Variants in BAZ2B observed in about 807,000 individuals in gnomAD.
BAZ2B encodes the protein bromodomain adjacent to zinc finger domain 2B.
In BAZ2B, 91 loss-of-function variants were observed where a neutral mutation model predicts 246.0. That is an observed-to-expected ratio of 0.37 (90% CI 0.31 to 0.44). The LOEUF (loss-of-function observed/expected upper bound fraction) is 0.44. Among genes scored for constraint, BAZ2B ranks in the 20% least tolerant of loss-of-function variants. The probability of loss-of-function intolerance (pLI) is 1.00; values close to 1 mark genes in which losing one functional copy is unlikely to be tolerated. For synonymous variants in BAZ2B, 855 were observed against 860.0 expected (o/e 0.99, Z 0.10); for missense variants, 2,332 against 2,533.7 (o/e 0.92, Z 1.71).
intron 8 of BAZ2B, chr2:159,433,679 C>T (rs1033718051): frequency 1.5e-5 from 3 of 194,448 alleles, no homozygotes; most frequent in African/African-American, 7.1e-5. Flanking sequence ...AAATAGCCTC[C>T]TCTTAGAAAT....
downstream of BAZ2B, among the ~76,000 whole-genome samples, chr2:159,316,703 A>G (rs1436630298): frequency 2.0e-5 from 3 of 149,462 alleles, no homozygotes; most frequent in Non-Finnish European, 3.0e-5. Context: ...AAAAAAAAAA[A>G]AAAAAAAAAA....
chr2:159,533,366 C>T (rs1255260756), intron 2 of BAZ2B, among the ~76,000 whole-genome samples: 2 of 152,068 alleles, frequency 1.3e-5, no homozygotes, highest in African/African-American at 2.4e-5. Flanking sequence ...ACTAGGAATT[C>T]GACACCAATA....
chr2:159,642,706 G>C, the BAZ2B span, among the ~76,000 whole-genome samples: 4 of 152,062 alleles, frequency 2.6e-5, no homozygotes, highest in African/African-American at 4.8e-5. Flanking sequence ...CATTAAAAAA[G>C]AGAATTAAAA....
At chr2:159,541,201 G>A (rs2086620411) in intron 2 of BAZ2B, among the ~76,000 whole-genome samples, 1 of 151,966 alleles carries the variant, frequency 6.6e-6, no homozygotes, top group Non-Finnish European at 1.5e-5. Context: ...TCGGGTTGTT[G>A]ATAATTTAAA....
chr2:159,671,350 G>C, the BAZ2B span, among the ~76,000 whole-genome samples: 1 of 152,124 alleles, frequency 6.6e-6, no homozygotes, highest in African/African-American at 2.4e-5. Flanking sequence ...AAAAATGCAT[G>C]CAAGGGTGAT....
chr2:159,580,579 T>C (rs1399406639), intron 1 of BAZ2B, among the ~76,000 whole-genome samples: 1 of 152,208 alleles, frequency 6.6e-6, no homozygotes, highest in Non-Finnish European at 1.5e-5. Context: ...AAAGTTCATA[T>C]GGAACCAAAA....
chr2:159,700,987 A>C, the BAZ2B span, among the ~76,000 whole-genome samples: 1 of 152,236 alleles, frequency 6.6e-6, no homozygotes, highest in Non-Finnish European at 1.5e-5. Context: ...ACACAGATTA[A>C]ATATGTGATT....
chr2:159,657,950 A>G, the BAZ2B span, among the ~76,000 whole-genome samples: 62 of 152,300 alleles, frequency 4.1e-4, no homozygotes, highest in Admixed American at 1.5e-3. Flanking sequence ...TGAATTAAAT[A>G]GGCACTTCAG....
At chr2:159,340,136 A>C (rs2066387248) in intron 31 of BAZ2B, among the ~76,000 whole-genome samples, 1 of 152,168 alleles carries the variant, frequency 6.6e-6, no homozygotes, top group South Asian at 2.1e-4. Context: ...ATACAAGACT[A>C]GATCAAAAAG....
intron 3 of BAZ2B, chr2:159,459,925 A>AT (rs1336339363): frequency 6.6e-6 from 1 of 152,128 alleles, no homozygotes; most frequent in African/African-American, 2.4e-5. Flanking sequence ...ATAAAATAAT[A>AT]TTTTTAGAAG....
chr2:159,595,518 G>A lies in BAZ2B; in HGVS notation c.-46+20724C>T, dbSNP rs1320891892. On this transcript the variant is annotated intron_variant, in intron 1 of 36. Coordinates refer to ENST00000392783, the MANE Select transcript of BAZ2B (RefSeq NM_013450.4). ...TGCTGTAAAAAGTGGTGTTGTGTGT[G>A]CTCATGAATTCTACTAGTCTGCTAA... is the stretch of plus-strand genomic sequence containing the variant. 2.6e-5 allele frequency among the ~76,000 whole-genome samples: 4 copies of A among 152,194 alleles called. No individual in the cohort carries two copies. The East Asian group carries it at 5.8e-4, about 22-fold the overall frequency.
chr2:159,349,896 A>C lies in BAZ2B; in HGVS notation c.4675T>G (p.Trp1559Gly). The C allele has an allele frequency of 6.2e-7, 1 of 1,614,122 alleles. No individual in the cohort carries two copies. The highest frequency in any genetic ancestry group is 8.5e-7 in the Non-Finnish European group (1 of 1,180,002). ...LKTLTEKNRQ[W>G]FSLLPRTPCD... is the part of the protein sequence containing the mutation. Reference sequence around the variant, plus strand: ...GGTGTTCGTGGCAAAAGACTAAACCATTGTCTATTCTTTTCAGTCAGCGTT... The same window carrying C: ...GGTGTTCGTGGCAAAAGACTAAACCCTTGTCTATTCTTTTCAGTCAGCGTT... The change falls in exon 28 of 37, where the codon TGG (tryptophan) becomes GGG (glycine). Residue 1559 changes from tryptophan (W) to glycine (G), a missense_variant. This residue lies in a region of BAZ2B where 676 missense variants were observed against 668.6 expected (regional missense o/e 1.01). Transcript: ENST00000392783.
Position 159,405,117 on chromosome 2 carries a change from G to A in BAZ2B, c.2678-3C>T, listed in dbSNP as rs765244186. 20 of 1,613,058 alleles carry A rather than the reference G, an allele frequency of 1.2e-5. No individual in the cohort carries two copies. Among genetic ancestry groups the A allele is most frequent in the Non-Finnish European group, 1.7e-5 (20 of 1,179,742 alleles). ...TTGTGCTGCTTGCCTGGCTATTTCTGAAAAACACAAAATTTCAAAGAATAT... is the reference window on the plus strand; with the variant it reads ...TTGTGCTGCTTGCCTGGCTATTTCTAAAAAACACAAAATTTCAAAGAATAT... On this transcript the variant is annotated splice_region_variant and splice_polypyrimidine_tract_variant and intron_variant, in intron 14 of 36. Coordinates refer to ENST00000392783, the MANE Select transcript of BAZ2B (RefSeq NM_013450.4).
chr2:159,443,512 TG>T lies in BAZ2B; in HGVS notation c.696+3269del, dbSNP rs375442805. ...AACTTTTTAAAAAAGTTTTGAAAAC[TG>T]AAGAAATACTGGGTGAAAAAGTATA... On this transcript the variant is annotated intron_variant, in intron 6 of 36. Transcript: ENST00000392783. Among the ~76,000 whole-genome samples the T allele has an allele frequency of 2.4e-3, 364 of 152,302 alleles. 1 individual carries two copies. Among genetic ancestry groups the T allele is most frequent in the African/African-American group, 8.1e-3 (337 of 41,562 alleles).
At chr2:159,666,118 A>G in the BAZ2B span, among the ~76,000 whole-genome samples, 1 of 152,150 alleles carries the variant, frequency 6.6e-6, no homozygotes, top group Non-Finnish European at 1.5e-5. Context: ...AGCAAGTCCC[A>G]GTCCTTTGAT....
chr2:159,563,072 ATATT>A (rs1175233878), intron 1 of BAZ2B, among the ~76,000 whole-genome samples: 2 of 152,238 alleles, frequency 1.3e-5, no homozygotes, highest in African/African-American at 4.8e-5. Context: ...GGTCAAAGAA[ATATT>A]TAGTTAGGTC....
chr2:159,539,332 G>A (rs2086380180), intron 2 of BAZ2B, among the ~76,000 whole-genome samples: 2 of 152,218 alleles, frequency 1.3e-5, no homozygotes, highest in South Asian at 4.1e-4. Context: ...TCATAACCAT[G>A]AATTTCTCTT....
chr2:159,541,216 C>G (rs2086621527), intron 2 of BAZ2B, among the ~76,000 whole-genome samples: 1 of 151,936 alleles, frequency 6.6e-6, no homozygotes, highest in Non-Finnish European at 1.5e-5. Flanking sequence ...TTTAAACATA[C>G]TTCAAACATT....
chr2:159,487,707 A>G (rs1488860253), intron 2 of BAZ2B, among the ~76,000 whole-genome samples: 2 of 152,246 alleles, frequency 1.3e-5, no homozygotes, highest in South Asian at 2.1e-4. Flanking sequence ...CCAAGTTTCA[A>G]CAAGAGAAGC....
Sources: allele counts gnomAD v4.1 joint callset (sites outside exome capture counted in the v4.1 genomes callset), GRCh38; gene constraint gnomAD v4.1.1; regional missense constraint gnomAD v4.1.1; transcripts MANE v1.5; gene names NCBI Gene and HGNC (gene_info 2026-07-23, HGNC 2026-07-21).